The following NEGR1 variants were observed in gnomAD, a reference collection of about 807,000 sequenced individuals.
NEGR1 encodes the protein neuronal growth regulator 1.
NEGR1 carries 10 observed loss-of-function variants against 40.9 expected under a neutral mutation model. The observed-to-expected ratio is 0.24, with a 90% CI of 0.15 to 0.42. The LOEUF is 0.42. NEGR1 is among the 10% of genes least tolerant of loss of function. NEGR1 has a pLI of 1.00. For missense variants in NEGR1, 352 were observed against 438.9 expected (o/e 0.80, Z 1.77); for synonymous variants, 185 against 166.8 (o/e 1.11, Z -0.84).
At chr1:71,926,533 T>C (rs986170874) in intron 2 of NEGR1, among the ~76,000 whole-genome samples, 14 of 152,142 alleles carry the variant, frequency 9.2e-5, no homozygotes, top group Admixed American at 5.2e-4. Flanking sequence ...AAGATGCTTA[T>C]TTAAATTCCA....
chr1:72,234,317 G>C (rs1654478312), intron 1 of NEGR1, among the ~76,000 whole-genome samples: 1 of 152,012 alleles, frequency 6.6e-6, no homozygotes, highest in South Asian at 2.1e-4. Flanking sequence ...ATATAGTCTT[G>C]TTCTTTTTTA....
At chr1:72,175,949 A>T (rs1652149799) in intron 1 of NEGR1, among the ~76,000 whole-genome samples, 1 of 151,818 alleles carries the variant, frequency 6.6e-6, no homozygotes, top group African/African-American at 2.4e-5. Flanking sequence ...TTAAATCTGC[A>T]TAATGTCAGG....
chr1:72,016,468 A>T (rs3102925), intron 1 of NEGR1, among the ~76,000 whole-genome samples: 35,635 of 152,016 alleles, frequency 0.23, 5,628 homozygotes, highest in African/African-American at 0.45. Flanking sequence ...TCTGCCTCAC[A>T]ACATTAAAAG....
At chr1:71,508,367 C>T (rs931756896) in intron 6 of NEGR1, among the ~76,000 whole-genome samples, 5 of 152,134 alleles carry the variant, frequency 3.3e-5, no homozygotes, top group Admixed American at 1.3e-4. Context: ...GCACGGGTCA[C>T]CTGAGGAACC....
intron 6 of NEGR1, among the ~76,000 whole-genome samples, chr1:71,534,604 C>A (rs1156270328): frequency 2.0e-5 from 3 of 151,700 alleles, no homozygotes; most frequent in African/African-American, 7.3e-5. Flanking sequence ...TCAGACATTG[C>A]AATTTGTTGT....
chr1:71,441,968 A>G lies in NEGR1; in HGVS notation c.941-34398T>C, dbSNP rs188086277. ...TTTAGTACTCTCCATGCTTAGCACA[A>G]TGTTGACTTTTGTAAATATATCAAT... On this transcript the variant is annotated intron_variant, in intron 6 of 6. Coordinates refer to ENST00000357731, the MANE Select transcript of NEGR1 (RefSeq NM_173808.3). 1.2e-4 allele frequency among the ~76,000 whole-genome samples: 18 copies of G among 152,300 alleles called. No homozygotes were observed. The East Asian group carries it at 3.5e-3, about 29-fold the overall frequency.
At chr1:71,730,035 G>T (rs546511242) in intron 3 of NEGR1, among the ~76,000 whole-genome samples, 1 of 151,882 alleles carries the variant, frequency 6.6e-6, no homozygotes, top group Non-Finnish European at 1.5e-5. Context: ...GTTAAACCTG[G>T]TCATTGAAAT....
chr1:71,723,040 A>C (rs1275232926), intron 3 of NEGR1, among the ~76,000 whole-genome samples: 2 of 149,998 alleles, frequency 1.3e-5, no homozygotes, highest in East Asian at 2.0e-4. Flanking sequence ...GAAAAAAAAA[A>C]CTGCTGTAAT....
At chr1:71,580,297 G>T (rs1266664797) in intron 6 of NEGR1, among the ~76,000 whole-genome samples, 2 of 149,276 alleles carry the variant, frequency 1.3e-5, no homozygotes, top group Non-Finnish European at 3.0e-5. Flanking sequence ...TCACACTCTG[G>T]AGACTGTTGT....
intron 6 of NEGR1, among the ~76,000 whole-genome samples, chr1:71,443,436 C>A (rs1420037737): frequency 6.6e-6 from 1 of 152,088 alleles, no homozygotes; most frequent in African/African-American, 2.4e-5. Context: ...TTTGTTATAT[C>A]CACTTTTTTT....
intron 1 of NEGR1, among the ~76,000 whole-genome samples, chr1:72,132,695 A>C (rs952716227): frequency 6.6e-6 from 1 of 152,226 alleles, no homozygotes; most frequent in Non-Finnish European, 1.5e-5. Context: ...AAGCATAAAA[A>C]TAAGATACAT....
At chr1:71,624,093 C>T (rs761940994) in intron 4 of NEGR1, among the ~76,000 whole-genome samples, 4 of 151,864 alleles carry the variant, frequency 2.6e-5, no homozygotes, top group African/African-American at 9.7e-5. Context: ...CAGTCAAAGT[C>T]GCCAGATCCT....
At chr1:71,443,649 C>T (rs1379612094) in intron 6 of NEGR1, among the ~76,000 whole-genome samples, 6 of 152,178 alleles carry the variant, frequency 3.9e-5, no homozygotes, top group Admixed American at 2.0e-4. Flanking sequence ...ACAAACATAC[C>T]TGTCCTCCTA....
chr1:71,435,837 T>G (rs1174428692), intron 6 of NEGR1, among the ~76,000 whole-genome samples: 1 of 152,210 alleles, frequency 6.6e-6, no homozygotes, highest in Non-Finnish European at 1.5e-5. Context: ...GAACTACTTT[T>G]TAAAATTCTT....
intron 1 of NEGR1, among the ~76,000 whole-genome samples, chr1:72,138,088 A>G (rs775375194): frequency 3.3e-5 from 5 of 152,178 alleles, no homozygotes; most frequent in Non-Finnish European, 7.4e-5. Flanking sequence ...AAGGAATATT[A>G]TAACAAATGG....
chr1:72,214,847 A>G (rs1653739909), intron 1 of NEGR1, among the ~76,000 whole-genome samples: 1 of 114,832 alleles, frequency 8.7e-6, no homozygotes, highest in South Asian at 2.4e-4. Context: ...TCTCAGAATT[A>G]GCGAAAAAAA....
rs557746599 is a variant in NEGR1 at position 71,759,793 on chromosome 1, A to G, written c.535+16379T>C. 2.9e-3 allele frequency among the ~76,000 whole-genome samples: 445 copies of G among 151,004 alleles called. 2 individuals are homozygous for G. The highest frequency in any genetic ancestry group is 9.5e-3 in the African/African-American group (391 of 41,142). The stretch of plus-strand genomic sequence containing the variant: ...TCTGGCTACTTTTTGTATTTTTAGT[A>G]GAGACGGGGTTTCGGCATGTCACCC... On this transcript the variant is annotated intron_variant, in intron 3 of 6. Transcript: ENST00000357731.
intron 1 of NEGR1, among the ~76,000 whole-genome samples, chr1:72,160,153 A>G (rs1219988795): frequency 6.6e-6 from 1 of 152,146 alleles, no homozygotes; most frequent in East Asian, 1.9e-4. Flanking sequence ...AGCAGAACTG[A>G]GTGTGAAACT....
chr1:72,044,446 A>C (rs1235316896), intron 1 of NEGR1, among the ~76,000 whole-genome samples: 1 of 151,732 alleles, frequency 6.6e-6, no homozygotes, highest in Non-Finnish European at 1.5e-5. Context: ...TATTTGAATA[A>C]ATAGAAAATT....
Sources: allele counts gnomAD v4.1 joint callset (sites outside exome capture counted in the v4.1 genomes callset), GRCh38; gene constraint gnomAD v4.1.1; transcripts MANE v1.5; gene names NCBI Gene and HGNC (gene_info 2026-07-23, HGNC 2026-07-21).